The following NUAK1 variants were observed in gnomAD, a reference collection of about 807,000 sequenced individuals.
The protein encoded by NUAK1 is NUAK family kinase 1, also known as NUAK family SNF1-like kinase 1.
NUAK1 carries 26 observed loss-of-function variants against 56.9 expected under a neutral mutation model. The observed-to-expected ratio is 0.46, with a 90% CI of 0.33 to 0.63. The LOEUF is 0.63. Ranked by LOEUF, NUAK1 falls within the 30% of genes least tolerant of loss-of-function variation. The pLI is 0.02. For missense variants in NUAK1, 727 were observed against 876.1 expected (o/e 0.83, Z 2.15); for synonymous variants, 337 against 336.0 (o/e 1.00, Z -0.03).
intron 1 of NUAK1, among the ~76,000 whole-genome samples, chr12:106,118,136 T>C (rs564759346): frequency 6.6e-6 from 1 of 152,304 alleles, no homozygotes; most frequent in South Asian, 2.1e-4. Flanking sequence ...CACAAATCCA[T>C]GGAGGCAATA....
chr12:106,079,150 C>A (rs1466843252), intron 4 of NUAK1, among the ~76,000 whole-genome samples: 16 of 152,316 alleles, frequency 1.1e-4, no homozygotes, highest in Admixed American at 7.2e-4. Context: ...ATCACACCCA[C>A]CCCGGTGGAG....
chr12:106,086,743 A>G lies in NUAK1; in HGVS notation c.504T>C (p.Tyr168=), dbSNP rs2032574388. 1.9e-6 allele frequency: 3 copies of G among 1,612,460 alleles called. No homozygotes were observed. Among genetic ancestry groups the G allele is most frequent in the Admixed American group, 1.7e-5 (1 of 59,994 alleles). Residue 168 remains tyrosine (Y), a synonymous_variant, in exon 3 of 7, where the codon TAT becomes TAC. Coordinates refer to ENST00000261402, the MANE Select transcript of NUAK1 (RefSeq NM_014840.3). The part of the protein sequence containing the change: ...FFRQIVSAVH[Y]CHKNGVVHRD... ...CCAGGCGCAGCCATACCTTGTGACA[A>G]TAGTGCACAGCAGAGACGATCTGCC...
intron 1 of NUAK1, among the ~76,000 whole-genome samples, chr12:106,133,372 A>G (rs997267458): frequency 1.3e-5 from 2 of 152,116 alleles, no homozygotes; most frequent in Non-Finnish European, 2.9e-5. Context: ...AGGGTGGGCG[A>G]TCACCCCATG....
In NUAK1 at chr12:106,099,773, C is replaced by G. The variant is rs2032729918; in HGVS notation, c.361+6632G>C. On this transcript the variant is annotated intron_variant, in intron 2 of 6. Transcript: ENST00000261402. ...AAGGTAAACACTCAATAACTCCTAG[C>G]TATTATTAGTACTATTTTATTTTAT... 2.0e-5 allele frequency among the ~76,000 whole-genome samples: 3 copies of G among 151,972 alleles called. No homozygotes were observed. In the South Asian group the frequency reaches 6.3e-4, roughly 32 times the overall value.
intron 6 of NUAK1, among the ~76,000 whole-genome samples, chr12:106,069,546 G>C (rs930555702): frequency 6.6e-6 from 1 of 152,150 alleles, no homozygotes; most frequent in Non-Finnish European, 1.5e-5. Context: ...GTTGGCTGTT[G>C]AGTTTGATGT....
intron 2 of NUAK1, among the ~76,000 whole-genome samples, chr12:106,095,968 AAGTTAC>A (rs2032692720): frequency 6.6e-6 from 1 of 152,142 alleles, no homozygotes; most frequent in African/African-American, 2.4e-5. Flanking sequence ...GGCAGGTTAA[AAGTTAC>A]AGTTCATCTA....
intron 4 of NUAK1, among the ~76,000 whole-genome samples, chr12:106,078,787 A>G (rs1055238306): frequency 2.6e-5 from 4 of 152,226 alleles, no homozygotes; most frequent in Non-Finnish European, 4.4e-5. Flanking sequence ...AGCAGCTCCC[A>G]TGGATGTTAA....
rs554971674 is a variant in NUAK1, at chr12:106,137,414, T to G, written c.240+1000A>C. ...TAAATCGATTAGAATACATCTGATC[T>G]GCTTCAAATCAAAGAACCATGTTAA... On this transcript the variant is annotated intron_variant, in intron 1 of 6. Transcript: ENST00000261402. Among the ~76,000 whole-genome samples, 5 of 152,366 alleles carry G rather than the reference T, an allele frequency of 3.3e-5. 1 individual carries two copies. The South Asian group carries it at 1.0e-3, about 32-fold the overall frequency.
chr12:106,076,031 A>C (rs773643214), intron 4 of NUAK1, among the ~76,000 whole-genome samples: 33 of 152,268 alleles, frequency 2.2e-4, no homozygotes, highest in Admixed American at 8.5e-4. Context: ...AACTTTAAAA[A>C]GTGACCTGAA....
rs1164558207 is a variant in NUAK1 at position 106,067,890 on chromosome 12, T to C, written c.898A>G (p.Ile300Val). 1 of 1,614,166 alleles carries C rather than the reference T, an allele frequency of 6.2e-7. No individual in the cohort carries two copies. Among genetic ancestry groups the C allele is most frequent in the Non-Finnish European group, 8.5e-7 (1 of 1,180,010 alleles). Residue 300 changes from isoleucine (I) to valine (V), a missense_variant, in exon 7 of 7, where the codon ATT becomes GTT. Physicochemically the swap from Ile to Val is conservative, Grantham distance 29. Transcript: ENST00000261402. This position sits in a 1 kb window ranked among gnomAD's most constrained non-coding sequence, Gnocchi z 6.0. ...CAGTTCACCCACCAGTGGTTGGCAA[T>C]GTCCTCAATAGTGGCCCGGCGATCG... ...NPDRRATIED[I>V]ANHWWVNWGY...
chr12:106,082,362 T>C (rs7133815), intron 4 of NUAK1, among the ~76,000 whole-genome samples: 30,369 of 152,182 alleles, frequency 0.2, 3,588 homozygotes, highest in African/African-American at 0.32. Flanking sequence ...TTTGACTCAT[T>C]TGGACACGAG....
At chr12:106,074,143 A>G (rs1000334193) in intron 4 of NUAK1, among the ~76,000 whole-genome samples, 8 of 152,208 alleles carry the variant, frequency 5.3e-5, no homozygotes, top group East Asian at 3.9e-4. Flanking sequence ...TTATCTTTGT[A>G]TCATCCACTG....
At chr12:106,119,298 C>G (rs1014841855) in intron 1 of NUAK1, among the ~76,000 whole-genome samples, 4 of 151,892 alleles carry the variant, frequency 2.6e-5, no homozygotes, top group African/African-American at 9.7e-5. Flanking sequence ...CCCAGCTCAG[C>G]CACATCCTAA....
chr12:106,115,549 T>G (rs552490413), intron 1 of NUAK1, among the ~76,000 whole-genome samples: 29 of 152,304 alleles, frequency 1.9e-4, no homozygotes, highest in African/African-American at 6.7e-4. Flanking sequence ...ATCTTTTTCC[T>G]TCCAAGAGAA....
At chr12:106,125,006 A>ATAAATAAG in intron 1 of NUAK1, among the ~76,000 whole-genome samples, 1 of 135,304 alleles carries the variant, frequency 7.4e-6, no homozygotes, top group Non-Finnish European at 1.7e-5. Flanking sequence ...CAATAAATAA[A>ATAAATAAG]TAAATAAATA....
At chr12:106,128,326 T>C (rs1234147973) in intron 1 of NUAK1, among the ~76,000 whole-genome samples, 1 of 152,122 alleles carries the variant, frequency 6.6e-6, no homozygotes, top group Admixed American at 6.5e-5. Flanking sequence ...AGACAGGGTT[T>C]TGCCATGTTG....
Position 106,095,361 on chromosome 12 carries a change from C to T in NUAK1, c.362-8476G>A, listed in dbSNP as rs1048196608. 7.9e-5 allele frequency among the ~76,000 whole-genome samples: 12 copies of T among 152,208 alleles called. 1 individual carries two copies. Among genetic ancestry groups the T allele is most frequent in the African/African-American group, 2.9e-4 (12 of 41,448 alleles). On this transcript the variant is annotated intron_variant, in intron 2 of 6. Coordinates refer to ENST00000261402, the MANE Select transcript of NUAK1 (RefSeq NM_014840.3). ...CCTCTGTGAAGACAGCCTTAGTCTT[C>T]CACCCCTGGAAACCCTGGCAGAGGG...
intron 5 of NUAK1, among the ~76,000 whole-genome samples, chr12:106,071,135 T>C (rs1374480081): frequency 1.3e-5 from 2 of 152,206 alleles, no homozygotes; most frequent in Non-Finnish European, 2.9e-5. Flanking sequence ...TGGTCCCAAC[T>C]AGTAAAGAAC....
intron 4 of NUAK1, among the ~76,000 whole-genome samples, chr12:106,081,171 A>G (rs944007800): frequency 1.3e-5 from 2 of 152,204 alleles, no homozygotes; most frequent in African/African-American, 4.8e-5. Context: ...CTGTGTGCCA[A>G]GCACTAGTCT....
Sources: allele counts gnomAD v4.1 joint callset (sites outside exome capture counted in the v4.1 genomes callset), GRCh38; gene constraint gnomAD v4.1.1; non-coding constraint Gnocchi (gnomAD v3.1); transcripts MANE v1.5; gene names NCBI Gene and HGNC (gene_info 2026-07-23, HGNC 2026-07-21).